KEL: variants seen among roughly 807,000 people sequenced by gnomAD.
KEL encodes Kell metallo-endopeptidase (Kell blood group).
A neutral mutation model predicts 99.5 loss-of-function variants in KEL; 96 were observed. The observed-to-expected ratio is 0.97, with a 90% CI of 0.82 to 1.14. The LOEUF (loss-of-function observed/expected upper bound fraction) is 1.14, where lower values mean the gene tolerates loss of function less well. Among genes scored for constraint, KEL ranks in the 50% most tolerant of loss-of-function variants. The pLI is 0.00. For missense variants in KEL, 926 were observed against 924.2 expected (o/e 1.00, Z -0.03); for synonymous variants, 355 against 354.8 (o/e 1.00, Z -0.01).
chr7:142,949,740 C>T (rs747009913), intron 10 of KEL, among the ~76,000 whole-genome samples: 6 of 152,078 alleles, frequency 3.9e-5, no homozygotes, highest in South Asian at 2.1e-4. Flanking sequence ...GTAGTCTGGA[C>T]GAAGATACAC....
chr7:142,955,812 C>A (rs1001814188), intron 6 of KEL, among the ~76,000 whole-genome samples: 1 of 152,178 alleles, frequency 6.6e-6, no homozygotes, highest in Non-Finnish European at 1.5e-5. Flanking sequence ...AGCATCTATG[C>A]CCATTGTTTC....
intron 12 of KEL, 94 bp downstream of exon 12, chr7:142,944,549 G>A: frequency 8.2e-7 from 1 of 1,221,126 alleles, no homozygotes; most frequent in Non-Finnish European, 1.2e-6. Flanking sequence ...TGCCTGGGGG[G>A]GCCTTTGGCA....
chr7:142,958,095 G>C (rs1250726798), intron 5 of KEL, 122 bp from the exon 6 acceptor site: 1 of 1,360,958 alleles, frequency 7.3e-7, no homozygotes, highest in African/African-American at 1.5e-5. Context: ...GATTCCTCTA[G>C]GAAGCCACAT....
chr7:142,951,687 G>T (rs900845613), intron 10 of KEL, among the ~76,000 whole-genome samples: 1 of 152,110 alleles, frequency 6.6e-6, no homozygotes, highest in African/African-American at 2.4e-5. Context: ...CTCTTGATAA[G>T]CAATAACTAC....
intron 8 of KEL, 94 bp downstream of exon 8, chr7:142,954,090 G>T: frequency 7.0e-7 from 1 of 1,426,716 alleles, no homozygotes; most frequent in African/African-American, 1.4e-5. Context: ...AGAATGAAAA[G>T]GTATTAAGGG....
rs776539280 is a variant in KEL, at chr7:142,958,294, C to A, written c.525+10G>T. On this transcript the variant is annotated intron_variant, in intron 5 of 18. Transcript: ENST00000355265. Reference sequence around the variant, plus strand: ...GTATCCAGAAAAGTTAATATCCCAACTTTTCTCACCTCCTCAATAACTTGT... The same window carrying A: ...GTATCCAGAAAAGTTAATATCCCAAATTTTCTCACCTCCTCAATAACTTGT... 1.2e-5 allele frequency: 20 copies of A among 1,613,998 alleles called. No individual in the cohort carries two copies. In the East Asian group the frequency reaches 3.8e-4, roughly 31 times the overall value.
chr7:142,954,501 G>A lies in KEL; in HGVS notation c.699C>T (p.Pro233=), dbSNP rs764001633. The A allele has an allele frequency of 6.8e-6, 11 of 1,614,096 alleles. No individual in the cohort carries two copies. The highest frequency in any genetic ancestry group is 9.3e-6 in the Non-Finnish European group (11 of 1,180,006). Residue 233 remains proline, a synonymous_variant, in exon 7 of 19, where the codon CCC becomes CCT. Coordinates refer to ENST00000355265, the MANE Select transcript of KEL (RefSeq NM_000420.3). ...TCTTCTGTTCTTGATCTTGCTTGAGGGGAACATCAAACTCTGGCTGGTCTA... is the reference window on the plus strand; with the variant it reads ...TCTTCTGTTCTTGATCTTGCTTGAGAGGAACATCAAACTCTGGCTGGTCTA... ...IQIDQPEFDV[P]LKQDQEQKIY...
In KEL at chr7:142,961,407, A is replaced by T. The variant is rs2116353907; in HGVS notation, c.176T>A (p.Leu59His). 1 of 1,613,760 alleles carries T rather than the reference A, an allele frequency of 6.2e-7. No homozygotes were observed. The highest frequency in any genetic ancestry group is 2.2e-5 in the East Asian group (1 of 44,870). ...GTAGAACAAAAGCACAGAAAAACAA[A>T]GGAGCAGGCCCAAAATCAGGATAGC... is the stretch of plus-strand genomic sequence containing the variant. ...LTAILILGLL[L>H]CFSVLLFYNF... Residue 59 changes from leucine to histidine, a missense_variant, in exon 3 of 19, where the codon CTT becomes CAT. Leu to His is a moderately conservative substitution (Grantham distance 99). Transcript: ENST00000355265.
Position 142,943,011 on chromosome 7 carries a change from T to C in KEL, c.1805A>G (p.His602Arg). The C allele has an allele frequency of 3.1e-6, 5 of 1,614,174 alleles. No homozygotes were observed. The highest frequency in any genetic ancestry group is 3.4e-6 in the Non-Finnish European group (4 of 1,180,032). Residue 602 changes from histidine (H) to arginine (R), a missense_variant, in exon 17 of 19, where the codon CAT becomes CGT. His to Arg is a conservative substitution (Grantham distance 29). Transcript: ENST00000355265. ...GCACAGGTGAGCTTCCTGGAGGGCATGGTTGTCACAGGCGAGGCAGCCCCC... is the reference window on the plus strand; with the variant it reads ...GCACAGGTGAGCTTCCTGGAGGGCACGGTTGTCACAGGCGAGGCAGCCCCC... ...LPGGCLACDN[H>R]ALQEAHLCLK...
In KEL at chr7:142,942,470, G is replaced by A; in HGVS notation, c.2001C>T (p.Leu667=). 1 of 1,608,610 alleles carries A rather than the reference G, an allele frequency of 6.2e-7. No individual in the cohort carries two copies. The highest frequency in any genetic ancestry group is 8.5e-7 in the Non-Finnish European group (1 of 1,177,526). The change falls in exon 18 of 19, where the codon CTC becomes CTT. Residue 667 remains leucine, a synonymous_variant. Coordinates refer to ENST00000355265, the MANE Select transcript of KEL (RefSeq NM_000420.3). ...TTCGAAAGAAGATCTGCTGGGGGCT[G>A]AGGTCCAGGCTGGGCAGGACAGTCT... ...HGETVLPSLD[L]SPQQIFFRSY...
intron 6 of KEL, among the ~76,000 whole-genome samples, chr7:142,957,060 G>A (rs1250045833): frequency 6.6e-6 from 1 of 152,176 alleles, no homozygotes; most frequent in Non-Finnish European, 1.5e-5. Context: ...GTTCTAAAGA[G>A]GCTCACAATC....
chr7:142,952,774 TGCACCC>T, intron 9 of KEL, 136 bp from the exon 10 acceptor site: 1 of 1,004,984 alleles, frequency 1.0e-6, no homozygotes, highest in Non-Finnish European at 1.5e-6. Context: ...TGTTTTAACA[TGCACCC>T]AAGTCAAAAA....
In KEL at chr7:142,961,995, T is replaced by A. The variant is rs994707996; in HGVS notation, c.4-123A>T. The stretch of plus-strand genomic sequence containing the variant: ...TGCCCTGCCCCCACACACATATTTT[T>A]ATCTCGGAGCAGTGTTCCCAGATGG... On this transcript the variant is annotated intron_variant, in intron 1 of 18. Transcript: ENST00000355265. 44 of 1,609,844 alleles carry A rather than the reference T, an allele frequency of 2.7e-5. No homozygotes were observed. In the South Asian group the frequency reaches 4.5e-4, roughly 16 times the overall value.
At position 142,953,863 on chromosome 7, in the gene KEL, C is replaced by T. The variant is rs201473860; in HGVS notation, c.1018G>A (p.Val340Met). Residue 340 changes from valine (V) to methionine (M), a missense_variant, in exon 9 of 19, where the codon GTG becomes ATG. By Grantham distance (21) the Val-to-Met change is conservative (BLOSUM62 1). Transcript: ENST00000355265. ...TGTGACATGTTTTTCAAATATTCCACGTCATGGACCACGAGGGACTGAGAA... is the reference window on the plus strand; with the variant it reads ...TGTGACATGTTTTTCAAATATTCCATGTCATGGACCACGAGGGACTGAGAA... ...SPSQSLVVHDVEYLKNMSQLV... is the reference protein window; with the variant it reads ...SPSQSLVVHDMEYLKNMSQLV... The T allele has an allele frequency of 8.5e-5, 138 of 1,614,182 alleles. No individual in the cohort carries two copies. In the Admixed American group the frequency reaches 1.5e-3, roughly 18 times the overall value.
rs1027639006 is a variant in KEL, at chr7:142,962,291, C to T, written c.-85G>A. ...GGACTGGGGTCCAGGAAACACCCCC[C>T]GCCCCAGTTCCTTGATCCTGGAGAA... is the stretch of plus-strand genomic sequence containing the variant. On this transcript the variant is annotated 5_prime_UTR_variant, in exon 1 of 19. Coordinates refer to ENST00000355265, the MANE Select transcript of KEL (RefSeq NM_000420.3). The T allele has an allele frequency of 2.3e-5, 34 of 1,482,664 alleles. 1 individual carries two copies. The highest frequency in any genetic ancestry group is 9.1e-5 in the East Asian group (4 of 44,194). 91.8% of individuals were successfully genotyped at this position (1,482,664 alleles called of 1,614,324 possible).
intron 18 of KEL, among the ~76,000 whole-genome samples, chr7:142,941,790 ACAGT>A (rs59185463): frequency 0.022 from 3,369 of 149,904 alleles, 111 homozygotes; most frequent in African/African-American, 0.078. Context: ...AATGTGGCAC[ACAGT>A]CAGCCTGTCG....
At chr7:142,952,290 AG>A (rs1796705082) in intron 10 of KEL, among the ~76,000 whole-genome samples, 2 of 152,316 alleles carry the variant, frequency 1.3e-5, no homozygotes, top group South Asian at 4.1e-4. Flanking sequence ...AGAGGTAGTC[AG>A]GCTGGGAGAT....
intron 10 of KEL, among the ~76,000 whole-genome samples, chr7:142,948,326 A>G (rs1796586154): frequency 6.6e-6 from 1 of 152,222 alleles, no homozygotes; most frequent in Non-Finnish European, 1.5e-5. Context: ...AATATAAACA[A>G]TAGAAGAAAT....
At position 142,954,492 on chromosome 7, in the gene KEL, T is replaced by G; in HGVS notation, c.708A>C (p.Gln236His). 1.9e-6 allele frequency: 3 copies of G among 1,614,154 alleles called. No homozygotes were observed. Among genetic ancestry groups the G allele is most frequent in the Non-Finnish European group, 2.5e-6 (3 of 1,180,020 alleles). Residue 236 changes from glutamine to histidine, a missense_variant, in exon 7 of 19, where the codon CAA (glutamine) becomes CAC (histidine). Physicochemically the swap from Gln to His is conservative, Grantham distance 24. Transcript: ENST00000355265. ...GGGCATAGATCTTCTGTTCTTGATC[T>G]TGCTTGAGGGGAACATCAAACTCTG... ...DQPEFDVPLK[Q>H]DQEQKIYAQI... is the part of the protein sequence containing the mutation.
Sources: gnomAD v4.1 joint callset for allele counts (sites outside exome capture counted in the v4.1 genomes callset) on GRCh38, gnomAD v4.1.1 for gene constraint, MANE v1.5 for transcripts, NCBI Gene and HGNC (gene_info 2026-07-23, HGNC 2026-07-21) for gene names.